The following RERE variants were observed in gnomAD, a reference collection of about 807,000 sequenced individuals.
RERE encodes arginine-glutamic acid dipeptide repeats protein.
In RERE, 40 loss-of-function variants were observed where a neutral mutation model predicts 146.1. The ratio of observed to expected loss-of-function variants is 0.27; its 90% CI spans 0.21 to 0.36. The LOEUF is 0.36. Ranked by LOEUF, RERE falls within the 10% of genes least tolerant of loss-of-function variation. RERE has a pLI of 1.00. For missense variants in RERE, 1,933 were observed against 2,138.7 expected (o/e 0.90, Z 1.90); for synonymous variants, 1,003 against 866.0 (o/e 1.16, Z -2.78).
At chr1:8,567,044 C>T (rs931488961) in intron 4 of RERE, among the ~76,000 whole-genome samples, 36 of 152,268 alleles carry the variant, frequency 2.4e-4, no homozygotes, top group African/African-American at 7.2e-4. Context: ...CTGACTCGGC[C>T]TCCCAAAGTG....
chr1:8,448,434 AAAGTAG>A (rs1278921891), intron 11 of RERE, among the ~76,000 whole-genome samples: 1 of 152,144 alleles, frequency 6.6e-6, no homozygotes, highest in Non-Finnish European at 1.5e-5. Flanking sequence ...TTATCTGAAA[AAAGTAG>A]AAGTGAGGGA....
intron 11 of RERE, among the ~76,000 whole-genome samples, chr1:8,428,048 C>T (rs1215162854): frequency 6.6e-6 from 1 of 152,176 alleles, no homozygotes; most frequent in Admixed American, 6.5e-5. Context: ...TGAAATTCGG[C>T]ATTTCCAGTG....
At chr1:8,434,014 T>C (rs1644133575) in intron 11 of RERE, among the ~76,000 whole-genome samples, 1 of 152,198 alleles carries the variant, frequency 6.6e-6, no homozygotes, top group Non-Finnish European at 1.5e-5. Flanking sequence ...AAGGAGCACT[T>C]GGGAAGGTAG....
intron 7 of RERE, among the ~76,000 whole-genome samples, chr1:8,510,202 G>A (rs887154953): frequency 3.3e-5 from 5 of 152,062 alleles, no homozygotes; most frequent in African/African-American, 1.2e-4. Flanking sequence ...AGAACAGGCC[G>A]ATGCCCGTAT....
chr1:8,675,825 G>C (rs1486750890), intron 1 of RERE, among the ~76,000 whole-genome samples: 2 of 151,988 alleles, frequency 1.3e-5, no homozygotes, highest in East Asian at 3.8e-4. Context: ...TGGGACCAGA[G>C]CAGTTTCAAA....
At chr1:8,602,729 C>G (rs1646649184) in intron 4 of RERE, among the ~76,000 whole-genome samples, 1 of 152,072 alleles carries the variant, frequency 6.6e-6, no homozygotes, top group Non-Finnish European at 1.5e-5. Context: ...ATTTTTCTGG[C>G]TAGTATTGGC....
At chr1:8,635,947 T>TTTATG (rs1647094197) in intron 2 of RERE, among the ~76,000 whole-genome samples, 3 of 108,350 alleles carry the variant, frequency 2.8e-5, no homozygotes, top group Non-Finnish European at 6.9e-5. Flanking sequence ...ATTATTTTAT[T>TTTATG]TTATCTTATC....
chr1:8,689,781 A>AT (rs1309250413), intron 1 of RERE, among the ~76,000 whole-genome samples: 2 of 152,120 alleles, frequency 1.3e-5, no homozygotes, highest in East Asian at 3.8e-4. Context: ...AGGAAAAAAA[A>AT]AAAAAAAACT....
chr1:8,374,713 T>A (rs536903611), intron 12 of RERE, among the ~76,000 whole-genome samples: 1 of 152,194 alleles, frequency 6.6e-6, no homozygotes, highest in Non-Finnish European at 1.5e-5. Context: ...CTTGACTACT[T>A]CTTCTGAGAC....
intron 12 of RERE, among the ~76,000 whole-genome samples, chr1:8,374,007 C>T (rs866258889): frequency 2.6e-5 from 4 of 152,222 alleles, no homozygotes; most frequent in Admixed American, 1.3e-4. Context: ...TGCTGCTAAT[C>T]GTTAAATATC....
At chr1:8,516,090 T>C (rs1401306156) in intron 7 of RERE, among the ~76,000 whole-genome samples, 2 of 151,472 alleles carry the variant, frequency 1.3e-5, no homozygotes, top group Non-Finnish European at 2.9e-5. Flanking sequence ...GTGGGTGCAG[T>C]AGTGGGCACC....
chr1:8,795,228 G>A (rs896456072), intron 1 of RERE, among the ~76,000 whole-genome samples: 1 of 151,932 alleles, frequency 6.6e-6, no homozygotes, highest in Non-Finnish European at 1.5e-5. Context: ...GTTTCATCAT[G>A]TTGGCCAGGC....
Position 8,359,973 on chromosome 1 carries a change from G to A in RERE, c.3409C>T (p.Leu1137=). The A allele has an allele frequency of 6.2e-7, 1 of 1,612,782 alleles. No homozygotes were observed. The highest frequency in any genetic ancestry group is 8.5e-7 in the Non-Finnish European group (1 of 1,179,970). ...ASQSARFYKH[L]DRGYNSCART... ...GCACACGAGTTGTAGCCCCGGTCCA[G>A]GTGTTTGTAGAACCTGAGAAAAGCC... Residue 1137 remains leucine, a synonymous_variant, in exon 19 of 23, where the codon CTG becomes TTG. Coordinates refer to ENST00000400908, the MANE Select transcript of RERE (RefSeq NM_001042681.2).
chr1:8,361,690 T>C, intron 17 of RERE, 73 bp downstream of exon 17: 2 of 1,428,500 alleles, frequency 1.4e-6, no homozygotes, highest in Non-Finnish European at 2.0e-6. Flanking sequence ...GGCCACCAAC[T>C]AGGGAGAACC....
chr1:8,608,411 G>A (rs1003506114), intron 4 of RERE, among the ~76,000 whole-genome samples: 7 of 152,144 alleles, frequency 4.6e-5, no homozygotes, highest in African/African-American at 1.4e-4. Context: ...AGCTGAGAAA[G>A]GAGAATCACC....
chr1:8,576,288 T>C (rs1027534301), intron 4 of RERE, among the ~76,000 whole-genome samples: 2 of 151,920 alleles, frequency 1.3e-5, no homozygotes, highest in Non-Finnish European at 2.9e-5. Flanking sequence ...GATAAAAGAC[T>C]GGAGAAATAA....
At chr1:8,748,129 C>T (rs1413558586) in intron 1 of RERE, among the ~76,000 whole-genome samples, 1 of 152,146 alleles carries the variant, frequency 6.6e-6, no homozygotes, top group Non-Finnish European at 1.5e-5. Context: ...ATAATTTCGT[C>T]TAAAGTTCAA....
intron 12 of RERE, among the ~76,000 whole-genome samples, chr1:8,407,459 C>G (rs1160257782): frequency 1.3e-5 from 2 of 152,148 alleles, no homozygotes; most frequent in African/African-American, 4.8e-5. Flanking sequence ...CAAAGAATGT[C>G]TAAGATAATA....
intron 1 of RERE, among the ~76,000 whole-genome samples, chr1:8,661,442 T>C (rs1638454491): frequency 6.6e-6 from 1 of 152,036 alleles, no homozygotes; most frequent in African/African-American, 2.4e-5. Flanking sequence ...TTAGCAGGGA[T>C]GTGAGTAGCA....
Sources: gnomAD v4.1 joint callset for allele counts (sites outside exome capture counted in the v4.1 genomes callset) on GRCh38, gnomAD v4.1.1 for gene constraint, MANE v1.5 for transcripts, NCBI Gene and HGNC (gene_info 2026-07-23, HGNC 2026-07-21) for gene names.